The following TAF3 variants were observed in gnomAD, a reference collection of about 807,000 sequenced individuals.
TAF3 encodes TATA-box binding protein associated factor 3.
Under a neutral mutation model 80.6 loss-of-function variants are expected in TAF3, and 7 were observed. That is an observed-to-expected ratio of 0.09 (90% CI 0.05 to 0.16). The LOEUF (loss-of-function observed/expected upper bound fraction) is 0.16. Ranked by LOEUF, TAF3 falls within the 10% of genes least tolerant of loss-of-function variation. The pLI, the probability that TAF3 is intolerant of heterozygous loss-of-function variation, is 1.00. For synonymous variants in TAF3, 444 were observed against 446.1 expected, an observed-to-expected ratio of 1.00 and a Z score of 0.06; for missense variants, 921 against 1,140.2, an observed-to-expected ratio of 0.81 and a Z score of 2.77.
chr10:7,822,921 G>A (rs1461996803), intron 1 of TAF3, among the ~76,000 whole-genome samples: 3 of 152,174 alleles, frequency 2.0e-5, no homozygotes, highest in Admixed American at 1.3e-4. Context: ...TTTATGTGGT[G>A]TTTTCTAATT....
chr10:7,995,713 T>A (rs574798578), intron 4 of TAF3, among the ~76,000 whole-genome samples: 1 of 152,232 alleles, frequency 6.6e-6, no homozygotes, highest in Non-Finnish European at 1.5e-5. Flanking sequence ...CTACTTGATA[T>A]GTACTTGAGT....
At chr10:7,837,341 C>CAAAAAA (rs79016748) in intron 2 of TAF3, among the ~76,000 whole-genome samples, 5 of 90,084 alleles carry the variant, frequency 5.6e-5, no homozygotes, top group African/African-American at 8.7e-5. Context: ...CCAGTCTGGG[C>CAAAAAA]AAAAAAAAAA....
intron 2 of TAF3, among the ~76,000 whole-genome samples, chr10:7,943,825 A>C (rs1311447226): frequency 6.6e-6 from 1 of 152,226 alleles, no homozygotes; most frequent in African/African-American, 2.4e-5. Flanking sequence ...TACTGTCACT[A>C]TCATTTCCAT....
At chr10:7,869,062 T>C (rs1383156194) in intron 2 of TAF3, among the ~76,000 whole-genome samples, 2 of 152,166 alleles carry the variant, frequency 1.3e-5, no homozygotes, top group Non-Finnish European at 2.9e-5. Context: ...GTAGAACAAT[T>C]CCCTATTTTG....
At chr10:7,905,371 AATT>A (rs1837598373) in intron 2 of TAF3, among the ~76,000 whole-genome samples, 1 of 152,222 alleles carries the variant, frequency 6.6e-6, no homozygotes, top group South Asian at 2.1e-4. Context: ...AATTCAAATA[AATT>A]ATTAAGTATT....
intron 4 of TAF3, among the ~76,000 whole-genome samples, chr10:8,002,920 T>C (rs761533146): frequency 2.4e-4 from 37 of 152,214 alleles, no homozygotes; most frequent in Admixed American, 1.5e-3. Context: ...TGGAACCTTT[T>C]ATCATCAGGA....
At chr10:7,965,865 G>A in intron 3 of TAF3, 123 bp downstream of exon 3, 1 of 1,345,740 alleles carries the variant, frequency 7.4e-7, no homozygotes, top group African/African-American at 1.5e-5. Flanking sequence ...GTGGAAATAT[G>A]TTTATAATGA....
intron 2 of TAF3, among the ~76,000 whole-genome samples, chr10:7,859,090 GTC>G (rs1334376118): frequency 6.6e-6 from 1 of 151,824 alleles, no homozygotes; most frequent in African/African-American, 2.4e-5. Context: ...GTGAAACCCC[GTC>G]TCTACTAAAA....
intron 3 of TAF3, 108 bp from the exon 4 acceptor site, chr10:7,977,133 A>T (rs1208209357): frequency 1.8e-5 from 18 of 999,558 alleles, no homozygotes; most frequent in Non-Finnish European, 2.8e-5. Context: ...GCCATATTTA[A>T]GGCTTCAACT....
chr10:7,882,643 T>G (rs888082125), intron 2 of TAF3, among the ~76,000 whole-genome samples: 1 of 152,030 alleles, frequency 6.6e-6, no homozygotes, highest in Non-Finnish European at 1.5e-5. Flanking sequence ...CAACAGTCAG[T>G]GTCTAAAGGT....
rs1033346948 is a variant in TAF3 at position 7,873,622 on chromosome 10, C to CCCT, written c.409+49064_409+49065insTCC. Among the ~76,000 whole-genome samples the CCCT allele has an allele frequency of 2.3e-5, 3 of 130,636 alleles. 1 individual carries two copies. Among genetic ancestry groups the CCCT allele is most frequent in the African/African-American group, 5.8e-5 (2 of 34,752 alleles). The allele number at this position is 130,636 out of a possible 152,430, so 85.7% of individuals were successfully genotyped here. A position where few individuals can be genotyped will look rare whatever the true frequency, so the allele number is the denominator to read the frequency against. On this transcript the variant is annotated intron_variant, in intron 2 of 6. Transcript: ENST00000344293. Reference sequence around the variant, plus strand: ...AAGGGAAGACATCCGAGTTCTCCCCCCCCCCCCGTCAAAAGGGGGTGTCGA... The same window carrying CCCT: ...AAGGGAAGACATCCGAGTTCTCCCCCCCTCCCCCCCGTCAAAAGGGGGTGTCGA...
chr10:7,981,874 GA>G (rs1831729252), intron 4 of TAF3, among the ~76,000 whole-genome samples: 1 of 152,120 alleles, frequency 6.6e-6, no homozygotes. Context: ...ATGAAAATGA[GA>G]GCTAAAGCTT....
intron 2 of TAF3, among the ~76,000 whole-genome samples, chr10:7,953,678 A>C (rs1564370333): frequency 6.6e-6 from 1 of 152,246 alleles, no homozygotes; most frequent in Non-Finnish European, 1.5e-5. Flanking sequence ...GATGGCCATA[A>C]AATGTGTTTG....
intron 1 of TAF3, among the ~76,000 whole-genome samples, chr10:7,823,733 T>C (rs1244468): frequency 0.96 from 145,898 of 151,684 alleles, 70,428 homozygotes; most frequent in East Asian, 1. Flanking sequence ...CTCCTGGGTT[T>C]GAGCAGTTCT....
In TAF3 at chr10:8,006,191, C is replaced by A. The variant is rs531443127; in HGVS notation, c.2316-2887C>A. ...CTGAAAAAAAAAATACACACACACA[C>A]ACACACACACACACACACACACACA... On this transcript the variant is annotated intron_variant, in intron 4 of 6. Transcript: ENST00000344293. Among the ~76,000 whole-genome samples the A allele has an allele frequency of 1.0e-3, 128 of 128,594 alleles. 1 individual carries two copies. Among genetic ancestry groups the A allele is most frequent in the African/African-American group, 4.0e-3 (122 of 30,270 alleles). 84.4% of individuals were successfully genotyped at this position (128,594 alleles called of 152,430 possible). A position where few individuals can be genotyped will look rare whatever the true frequency, so the allele number is the denominator to read the frequency against.
chr10:7,845,448 T>C (rs944142920), intron 2 of TAF3, among the ~76,000 whole-genome samples: 1 of 152,198 alleles, frequency 6.6e-6, no homozygotes, highest in African/African-American at 2.4e-5. Flanking sequence ...TGGGCAGTGC[T>C]AGGGGTAGGG....
At chr10:7,846,032 C>T (rs1836967774) in intron 2 of TAF3, among the ~76,000 whole-genome samples, 1 of 149,600 alleles carries the variant, frequency 6.7e-6, no homozygotes, top group Non-Finnish European at 1.5e-5. Context: ...AATCTCGGCT[C>T]ACTGCAAGCT....
rs111694559 is a variant in TAF3 at position 8,000,516 on chromosome 10, C to T, written c.2316-8562C>T. Reference sequence around the variant, plus strand: ...CACAGTGGCTTAATGCCTGCAATCTCAGCACTTTGGGAGGCCGAGATGGGA... The same window carrying T: ...CACAGTGGCTTAATGCCTGCAATCTTAGCACTTTGGGAGGCCGAGATGGGA... On this transcript the variant is annotated intron_variant, in intron 4 of 6. Coordinates refer to ENST00000344293, the MANE Select transcript of TAF3 (RefSeq NM_031923.4). Among the ~76,000 whole-genome samples the T allele has an allele frequency of 1.7e-3, 260 of 152,226 alleles. 2 individuals carry two copies. Among genetic ancestry groups the T allele is most frequent in the African/African-American group, 6.0e-3 (250 of 41,556 alleles).
At chr10:7,897,516 G>A (rs913786575) in intron 2 of TAF3, among the ~76,000 whole-genome samples, 6 of 151,984 alleles carry the variant, frequency 3.9e-5, no homozygotes, top group African/African-American at 1.4e-4. Context: ...GCCTTCATGC[G>A]TGTTTTGTTT....
Sources: gnomAD v4.1 joint callset for allele counts (sites outside exome capture counted in the v4.1 genomes callset) on GRCh38, gnomAD v4.1.1 for gene constraint, MANE v1.5 for transcripts, NCBI Gene and HGNC (gene_info 2026-07-23, HGNC 2026-07-21) for gene names.